RAB43: variants seen among roughly 807,000 people sequenced by gnomAD.
The protein encoded by RAB43 is ras-related protein Rab-43.
In RAB43, 6 loss-of-function variants were observed where a neutral mutation model predicts 18.8. The ratio of observed to expected loss-of-function variants is 0.32; its 90% CI spans 0.17 to 0.63. RAB43 has a LOEUF of 0.63. Among genes scored for constraint, RAB43 ranks in the 30% least tolerant of loss-of-function variants. The pLI is 0.79. For missense variants in RAB43, 195 were observed against 289.1 expected, an observed-to-expected ratio of 0.67 and a Z score of 2.36; for synonymous variants, 103 against 124.1, an observed-to-expected ratio of 0.83 and a Z score of 1.13.
chr3:129,110,827 A>G (rs1935120410), intron 1 of RAB43, among the ~76,000 whole-genome samples: 1 of 152,192 alleles, frequency 6.6e-6, no homozygotes, highest in South Asian at 2.1e-4. Context: ...CAAAAAACAA[A>G]AAAAACACTG....
intron 1 of RAB43, among the ~76,000 whole-genome samples, chr3:129,099,186 G>C (rs549750476): frequency 9.8e-4 from 144 of 147,674 alleles, no homozygotes; most frequent in African/African-American, 3.5e-3. Context: ...CCGCCTCCCG[G>C]GTTCATGCCA....
intron 2 of RAB43, 119 bp downstream of exon 2, chr3:129,094,867 G>A: frequency 7.3e-7 from 1 of 1,378,556 alleles, no homozygotes. Context: ...GCAAAACCAT[G>A]GCTCAAACTC....
intron 1 of RAB43, among the ~76,000 whole-genome samples, chr3:129,108,113 A>T (rs1934902483): frequency 6.6e-6 from 1 of 152,178 alleles, no homozygotes; most frequent in South Asian, 2.1e-4. Flanking sequence ...AGAGGCAGCC[A>T]TGGCGTTCAA....
At chr3:129,112,980 T>A (rs1935264501) in intron 1 of RAB43, among the ~76,000 whole-genome samples, 1 of 151,836 alleles carries the variant, frequency 6.6e-6, no homozygotes, top group African/African-American at 2.4e-5. Context: ...TGACTGTTTT[T>A]ATTTATCAAA....
chr3:129,094,330 C>T lies in RAB43; in HGVS notation c.388+656G>A, dbSNP rs546822894. 8.5e-5 allele frequency among the ~76,000 whole-genome samples: 13 copies of T among 152,170 alleles called. No individual in the cohort carries two copies. The East Asian group carries it at 2.5e-3, about 29-fold the overall frequency. ...AACTCAAAGCCTACATGTGTATGCT[C>T]ACAGGCCATGTGGACCCGGATAAAT... On this transcript the variant is annotated intron_variant, in intron 2 of 2. Coordinates refer to ENST00000315150, the MANE Select transcript of RAB43 (RefSeq NM_198490.3).
chr3:129,099,240 C>T (rs1447986265), intron 1 of RAB43, among the ~76,000 whole-genome samples: 2 of 146,440 alleles, frequency 1.4e-5, no homozygotes, highest in African/African-American at 5.1e-5. Flanking sequence ...TATAGGCGTC[C>T]ACCACCATGC....
At chr3:129,097,764 C>T (rs1260455676) in intron 1 of RAB43, among the ~76,000 whole-genome samples, 1 of 152,044 alleles carries the variant, frequency 6.6e-6, no homozygotes, top group African/African-American at 2.4e-5. Context: ...GAGTAGCCCT[C>T]CCTCCACACA....
At chr3:129,096,344 G>GA (rs1426815254) in intron 1 of RAB43, among the ~76,000 whole-genome samples, 5 of 152,240 alleles carry the variant, frequency 3.3e-5, no homozygotes, top group Non-Finnish European at 7.3e-5. Flanking sequence ...TGCCAAATAA[G>GA]ACTCCTCTTT....
Position 129,091,165 on chromosome 3 carries a change from G to A in RAB43, c.570C>T (p.Ser190=), listed in dbSNP as rs755137158. Residue 190 remains serine, a synonymous_variant, in exon 3 of 3, where the codon AGC becomes AGT. Coordinates refer to ENST00000315150, the MANE Select transcript of RAB43 (RefSeq NM_198490.3). The part of the protein sequence containing the change: ...LIMRHGGPLF[S]EKSPDHIQLN... Reference sequence around the variant, plus strand: ...GCTGGATGTGGTCGGGGCTCTTCTCGCTGAACAAGGGGCCCCCGTGCCGCA... The same window carrying A: ...GCTGGATGTGGTCGGGGCTCTTCTCACTGAACAAGGGGCCCCCGTGCCGCA... The A allele has an allele frequency of 1.1e-5, 18 of 1,570,100 alleles. No homozygotes were observed. Among genetic ancestry groups the A allele is most frequent in the Non-Finnish European group, 1.5e-5 (17 of 1,152,736 alleles).
At chr3:129,102,547 G>A (rs912001500) in intron 1 of RAB43, among the ~76,000 whole-genome samples, 1 of 150,568 alleles carries the variant, frequency 6.6e-6, no homozygotes, top group Non-Finnish European at 1.5e-5. Flanking sequence ...GGAGAATGGT[G>A]TGAACCCAGG....
At chr3:129,110,543 T>C (rs530783883) in intron 1 of RAB43, among the ~76,000 whole-genome samples, 1 of 152,306 alleles carries the variant, frequency 6.6e-6, no homozygotes, top group South Asian at 2.1e-4. Context: ...GGCATAATGT[T>C]GAAAACATTC....
chr3:129,105,318 T>C (rs1934699639), intron 1 of RAB43, among the ~76,000 whole-genome samples: 1 of 151,850 alleles, frequency 6.6e-6, no homozygotes. Context: ...CTGGGCATGG[T>C]GGTACATGTC....
At chr3:129,101,655 C>G (rs971493780) in intron 1 of RAB43, among the ~76,000 whole-genome samples, 2 of 152,136 alleles carry the variant, frequency 1.3e-5, no homozygotes, top group African/African-American at 4.8e-5. Flanking sequence ...AGAATGCTTA[C>G]CGTGTTAGAG....
At chr3:129,104,091 C>A (rs1697085299) in intron 1 of RAB43, among the ~76,000 whole-genome samples, 1 of 152,226 alleles carries the variant, frequency 6.6e-6, no homozygotes, top group African/African-American at 2.4e-5. Context: ...AGGTGCCCGA[C>A]AGAAACATAA....
At chr3:129,091,498 T>A (rs1482563827) in intron 2 of RAB43, 152 bp from the exon 3 acceptor site, 23 of 1,063,090 alleles carry the variant, frequency 2.2e-5, no homozygotes, top group Non-Finnish European at 3.1e-5. Context: ...TTAAAAAACC[T>A]TTTTTAGGCC....
intron 1 of RAB43, among the ~76,000 whole-genome samples, chr3:129,098,109 A>T (rs1426393024): frequency 6.6e-6 from 1 of 152,212 alleles, no homozygotes; most frequent in Non-Finnish European, 1.5e-5. Context: ...GACCAGAGAT[A>T]GAGGTTCAGG....
chr3:129,120,587 C>T (rs892325926), intron 1 of RAB43, among the ~76,000 whole-genome samples: 2 of 151,640 alleles, frequency 1.3e-5, no homozygotes, highest in South Asian at 4.2e-4. Flanking sequence ...GCAACCACAT[C>T]CTGCTGTTTT....
intron 1 of RAB43, among the ~76,000 whole-genome samples, chr3:129,120,222 A>T (rs1935818116): frequency 6.6e-6 from 1 of 152,168 alleles, no homozygotes; most frequent in Non-Finnish European, 1.5e-5. Context: ...AACACCCAGA[A>T]ATTATCCCAA....
rs1559995323 is a variant in RAB43 at position 129,095,393 on chromosome 3, T to A, written c.205-224A>T. Reference sequence around the variant, plus strand: ...GCCCTCTAGGGTCCCCAGGGAAAGATGGAGGAAGGGGTACACTCTGAGCTG... The same window carrying A: ...GCCCTCTAGGGTCCCCAGGGAAAGAAGGAGGAAGGGGTACACTCTGAGCTG... On this transcript the variant is annotated intron_variant, in intron 1 of 2. Coordinates refer to ENST00000315150, the MANE Select transcript of RAB43 (RefSeq NM_198490.3). This position sits in a 1 kb window ranked among gnomAD's most constrained non-coding sequence, Gnocchi z 4.2. Among the ~76,000 whole-genome samples, 1 of 151,394 alleles carries A rather than the reference T, an allele frequency of 6.6e-6. No individual in the cohort carries two copies. The highest frequency in any genetic ancestry group is 1.9e-4 in the East Asian group (1 of 5,172).
Sources: allele counts gnomAD v4.1 joint callset (sites outside exome capture counted in the v4.1 genomes callset), GRCh38; gene constraint gnomAD v4.1.1; non-coding constraint Gnocchi (gnomAD v3.1); transcripts MANE v1.5; gene names NCBI Gene and HGNC (gene_info 2026-07-23, HGNC 2026-07-21).